SETD1B: variants seen among roughly 807,000 people sequenced by gnomAD.
SETD1B encodes histone-lysine N-methyltransferase SETD1B.
In SETD1B, 7 loss-of-function variants were observed where a neutral mutation model predicts 148.0. The ratio of observed to expected loss-of-function variants is 0.05; its 90% confidence interval spans 0.03 to 0.09. SETD1B has a LOEUF of 0.09. SETD1B is among the 10% of genes least tolerant of loss of function. The pLI is 1.00. For missense variants in SETD1B, 2,155 were observed against 2,729.9 expected (o/e 0.79, Z 4.69); for synonymous variants, 1,361 against 1,186.5 (o/e 1.15, Z -3.02).
rs772049472 is a variant in SETD1B, at chr12:121,810,146, C to G, written c.1201C>G (p.Gln401Glu). 172 of 1,549,974 alleles carry G rather than the reference C, an allele frequency of 1.1e-4. 1 individual carries two copies. In the South Asian group the frequency reaches 1.4e-3, roughly 13 times the overall value. ...ATTCAAGTCTGCTTTCTCTCCGTAT[C>G]AGACCCCAGTGGCCCACTTCCCTCC... Reference protein sequence around the residue: ...PGFKSAFSPYQTPVAHFPPPP... With the variant: ...PGFKSAFSPYETPVAHFPPPP... Residue 401 changes from glutamine to glutamate, a missense_variant, in exon 6 of 17, where the codon CAG becomes GAG. By Grantham distance (29) the Gln-to-Glu change is conservative. Coordinates refer to ENST00000604567, the MANE Select transcript of SETD1B (RefSeq NM_001353345.2). This position sits in a 1 kb window ranked among gnomAD's most constrained non-coding sequence, Gnocchi z 7.6.
intron 4 of SETD1B, 120 bp downstream of exon 4, chr12:121,806,225 C>T (rs1367230884): frequency 2.7e-6 from 3 of 1,121,406 alleles, no homozygotes; most frequent in East Asian, 2.6e-5. Flanking sequence ...CCCCCACAAC[C>T]TTATTTCTTA....
rs542295193 is a variant in SETD1B at position 121,809,659 on chromosome 12, C to G, written c.714C>G (p.Ser238=). 1 of 1,551,550 alleles carries G rather than the reference C, an allele frequency of 6.4e-7. No individual in the cohort carries two copies. Among genetic ancestry groups the G allele is most frequent in the Non-Finnish European group, 8.7e-7 (1 of 1,146,956 alleles). ...GAGGCCTGTCTGCAGGCTGTGGCTC[C>G]GGCTCCTCCTCTGTCACCCCCAATA... The part of the protein sequence containing the change: ...KDGGLSAGCG[S]GSSSVTPNSG... Residue 238 remains serine (S), a synonymous_variant, in exon 6 of 17, where the codon TCC becomes TCG. Transcript: ENST00000604567.
In SETD1B at chr12:121,806,157, C is replaced by T. The variant is rs942490378; in HGVS notation, c.544+52C>T. ...GGAGACCTGTCAGCCCGACCCTTTC[C>T]CTCCCCACCCTTCCTGCAGCGTGGG... On this transcript the variant is annotated intron_variant, in intron 4 of 16. Transcript: ENST00000604567. 1.3e-5 allele frequency: 20 copies of T among 1,525,356 alleles called. No homozygotes were observed. The South Asian group carries it at 2.2e-4, about 17-fold the overall frequency. 94.5% of individuals were successfully genotyped at this position (1,525,356 alleles called of 1,614,324 possible). A position where few individuals can be genotyped will look rare whatever the true frequency, so the allele number is the denominator to read the frequency against.
intron 10 of SETD1B, among the ~76,000 whole-genome samples, 183 bp downstream of exon 10, chr12:121,818,087 G>A (rs1457535603): frequency 6.6e-6 from 1 of 152,188 alleles, no homozygotes; most frequent in Non-Finnish European, 1.5e-5. Context: ...GAACATAATG[G>A]CATGTCCATA....
chr12:121,796,778 A>G, the SETD1B span, among the ~76,000 whole-genome samples: 1 of 152,224 alleles, frequency 6.6e-6, no homozygotes, highest in Non-Finnish European at 1.5e-5. Context: ...GCGGTGGCTC[A>G]TGCCTGTAAT....
the SETD1B span, chr12:121,797,433 A>G: frequency 4.4e-6 from 2 of 456,026 alleles, no homozygotes; most frequent in South Asian, 3.1e-5. Flanking sequence ...CAGCAGGAGG[A>G]CAAACTGCCT....
intron 11 of SETD1B, 128 bp from the exon 12 acceptor site, chr12:121,822,362 C>G: frequency 8.9e-7 from 1 of 1,126,062 alleles, no homozygotes. Context: ...AGGGGTTTAG[C>G]TGGAGAAGGA....
At position 121,823,510 on chromosome 12, in the gene SETD1B, G is replaced by A. The variant is rs1029023191; in HGVS notation, c.4931G>A (p.Arg1644Gln). The A allele has an allele frequency of 6.4e-6, 10 of 1,550,596 alleles. No homozygotes were observed. Among genetic ancestry groups the A allele is most frequent in the South Asian group, 1.2e-5 (1 of 84,050 alleles). Residue 1644 changes from arginine to glutamine, a missense_variant, in exon 12 of 17, where the codon CGG becomes CAG. By Grantham distance (43) the Arg-to-Gln change is conservative. Coordinates refer to ENST00000604567, the MANE Select transcript of SETD1B (RefSeq NM_001353345.2). ...GCCAAGAGCCGGGGGCCGTGGCGCC[G>A]GCCACCTAAGAAGCGCCATGAGGAC... ...ELAKSRGPWR[R>Q]PPKKRHEDLV...
At chr12:121,806,510 CAA>C (rs1196964151) in intron 4 of SETD1B, among the ~76,000 whole-genome samples, 2 of 152,174 alleles carry the variant, frequency 1.3e-5, no homozygotes, top group African/African-American at 4.8e-5. Context: ...TGAAATACAT[CAA>C]GAGAAGGTCT....
At chr12:121,793,318 C>A in the SETD1B span, 23 of 1,455,940 alleles carry the variant, frequency 1.6e-5, 1 homozygote, top group Admixed American at 4.1e-4. Context: ...TGTCCACCCC[C>A]CTCACTCGTC....
rs1037390878 is a variant in SETD1B at position 121,805,705 on chromosome 12, T to TA, written c.274-128dup. On this transcript the variant is annotated intron_variant, in intron 3 of 16. Coordinates refer to ENST00000604567, the MANE Select transcript of SETD1B (RefSeq NM_001353345.2). This position sits in a 1 kb window ranked among gnomAD's most constrained non-coding sequence, Gnocchi z 4.2. ...CCAAAAAAAATTTTTTTTTTTTTTT[T>TA]AATTTTTAGTTTTTTTACCCTTTAT... is the stretch of plus-strand genomic sequence containing the variant. 8.1e-6 allele frequency: 6 copies of TA among 738,890 alleles called. No homozygotes were observed. The highest frequency in any genetic ancestry group is 6.5e-5 in the African/African-American group (3 of 46,044). The allele number at this position is 738,890 out of a possible 1,614,324, so 45.8% of individuals were successfully genotyped here. A position where few individuals can be genotyped will look rare whatever the true frequency, so the allele number is the denominator to read the frequency against.
rs745698946 is a variant in SETD1B, at chr12:121,829,298, TG to T, written c.5728-763del. On this transcript the variant is annotated intron_variant, in intron 16 of 16. Coordinates refer to ENST00000604567, the MANE Select transcript of SETD1B (RefSeq NM_001353345.2). ...GCTGTAGCAGGCGGGTGAGCAGTGA[TG>T]GGGGCCTGAGCGTGGCTGGTGGCCC... Among the ~76,000 whole-genome samples, 14 of 152,222 alleles carry T rather than the reference TG, an allele frequency of 9.2e-5. No individual in the cohort carries two copies. The East Asian group carries it at 2.1e-3, about 23-fold the overall frequency.
rs1216283948 is a variant in SETD1B, at chr12:121,814,771, C to T, written c.2556C>T (p.Arg852=). The change falls in exon 7 of 17, where the codon CGC becomes CGT. Residue 852 remains arginine (R), a synonymous_variant. Transcript: ENST00000604567. ...TGCCTCCACCAGGCTACATGCCACG[C>T]CAGGAGGACCCACACAAAGCCACGG... ...PSVPPPGYMP[R]QEDPHKATVD... is the part of the protein sequence containing the mutation. 2.6e-6 allele frequency: 4 copies of T among 1,551,408 alleles called. No individual in the cohort carries two copies. Among genetic ancestry groups the T allele is most frequent in the Non-Finnish European group, 2.6e-6 (3 of 1,146,980 alleles).
chr12:121,817,518 GGCGTCCTCGTCCTCATCC>G lies in SETD1B; in HGVS notation c.3132_3149del (p.Ser1048_Ser1053del). 6.4e-7 allele frequency: 1 copy of G among 1,551,458 alleles called. No homozygotes were observed. Among genetic ancestry groups the G allele is most frequent in the Non-Finnish European group, 8.7e-7 (1 of 1,146,930 alleles). ...AGGAGGACGAGAAGGAGTCATTGTC[GGCGTCCTCGTCCTCATCC>G]GCGTCATCATCCTCGGGGTCCTCAA... On this transcript the variant is annotated inframe_deletion, in exon 9 of 17. Coordinates refer to ENST00000604567, the MANE Select transcript of SETD1B (RefSeq NM_001353345.2). This position sits in a 1 kb window ranked among gnomAD's most constrained non-coding sequence, Gnocchi z 8.1.
chr12:121,790,351 TACTAG>T, the SETD1B span, among the ~76,000 whole-genome samples: 1 of 152,268 alleles, frequency 6.6e-6, no homozygotes, highest in African/African-American at 2.4e-5. Flanking sequence ...CAACTACGTT[TACTAG>T]ACTCATTTCT....
chr12:121,800,551 C>G (rs1406719535), upstream of SETD1B: 1 of 151,764 alleles, frequency 6.6e-6, no homozygotes, highest in Non-Finnish European at 1.5e-5. Context: ...CGGCTGCGGG[C>G]GCCCGCGCAG....
intron 6 of SETD1B, 85 bp from the exon 7 acceptor site, chr12:121,814,021 C>A: frequency 8.8e-7 from 1 of 1,131,294 alleles, no homozygotes; most frequent in Non-Finnish European, 1.2e-6. Flanking sequence ...GGGAGTGCCA[C>A]TGATTGCTAG....
the SETD1B span, among the ~76,000 whole-genome samples, chr12:121,790,587 G>T: frequency 4.6e-5 from 7 of 152,196 alleles, no homozygotes; most frequent in Non-Finnish European, 8.8e-5. Flanking sequence ...ACTGACCAGG[G>T]GATTTCCTCC....
rs2137567075 is a variant in SETD1B at position 121,817,516 on chromosome 12, T to C, written c.3124T>C (p.Ser1042Pro). 1 of 1,551,404 alleles carries C rather than the reference T, an allele frequency of 6.4e-7. No homozygotes were observed. ...GGAGGAGGACGAGAAGGAGTCATTG[T>C]CGGCGTCCTCGTCCTCATCCGCGTC... Reference protein sequence around the residue: ...GGEEDEKESLSASSSSSASSS... With the variant: ...GGEEDEKESLPASSSSSASSS... The change falls in exon 9 of 17, where the codon TCG becomes CCG. Residue 1042 changes from serine to proline, a missense_variant. Ser to Pro is a moderately conservative substitution (Grantham distance 74). Around this residue, in one of 11 missense-constraint regions of SETD1B, gnomAD observed 862 missense variants for 873.8 expected, o/e 0.99. Coordinates refer to ENST00000604567, the MANE Select transcript of SETD1B (RefSeq NM_001353345.2). This position sits in a 1 kb window ranked among gnomAD's most constrained non-coding sequence, Gnocchi z 8.1.
Sources: allele counts gnomAD v4.1 joint callset (sites outside exome capture counted in the v4.1 genomes callset), GRCh38; gene constraint gnomAD v4.1.1; regional missense constraint gnomAD v4.1.1; non-coding constraint Gnocchi (gnomAD v3.1); transcripts MANE v1.5; gene names NCBI Gene and HGNC (gene_info 2026-07-23, HGNC 2026-07-21).